Variants in GNB4 observed in about 807,000 individuals in gnomAD.
GNB4 encodes guanine nucleotide-binding protein subunit beta-4.
GNB4 carries 28 observed loss-of-function variants against 45.2 expected under a neutral mutation model. The ratio of observed to expected loss-of-function variants is 0.62; its 90% CI spans 0.46 to 0.85. GNB4 has a LOEUF of 0.85. Among genes scored for constraint, GNB4 ranks in the 40% least tolerant of loss-of-function variants. The pLI is 0.00. For missense variants in GNB4, 321 were observed against 425.4 expected, an observed-to-expected ratio of 0.75 and a Z score of 2.16; for synonymous variants, 132 against 143.7, an observed-to-expected ratio of 0.92 and a Z score of 0.58.
intron 1 of GNB4, among the ~76,000 whole-genome samples, chr3:179,450,466 A>G (rs1255473080): frequency 6.6e-6 from 1 of 152,234 alleles, no homozygotes; most frequent in Admixed American, 6.5e-5. Context: ...ATCAACAATT[A>G]AATTTTGAAC....
the GNB4 span, among the ~76,000 whole-genome samples, chr3:179,519,785 C>T: frequency 3.9e-5 from 6 of 152,122 alleles, no homozygotes; most frequent in Non-Finnish European, 7.3e-5. Context: ...CCTCGGCAAC[C>T]GATCATGCAC....
At chr3:179,510,343 GC>G in the GNB4 span, among the ~76,000 whole-genome samples, 1 of 152,106 alleles carries the variant, frequency 6.6e-6, no homozygotes, top group Non-Finnish European at 1.5e-5. Flanking sequence ...CTGAGCCACT[GC>G]CCTCATTCAG....
At chr3:179,500,806 G>A in the GNB4 span, among the ~76,000 whole-genome samples, 1 of 152,148 alleles carries the variant, frequency 6.6e-6, no homozygotes, top group African/African-American at 2.4e-5. Flanking sequence ...CACATCCCTT[G>A]TAAGTTGGAT....
chr3:179,419,523 A>C lies in GNB4; in HGVS notation c.97-18T>G. The C allele has an allele frequency of 2.1e-6, 3 of 1,419,802 alleles. No individual in the cohort carries two copies. The South Asian group carries it at 3.5e-5, about 16-fold the overall frequency. The allele number at this position is 1,419,802 out of a possible 1,614,324, so 88.0% of individuals were successfully genotyped here. A position where few individuals can be genotyped will look rare whatever the true frequency, so the allele number is the denominator to read the frequency against. On this transcript the variant is annotated intron_variant, in intron 3 of 9. Coordinates refer to ENST00000232564, the MANE Select transcript of GNB4 (RefSeq NM_021629.4). ...GATGTAATCTTTTGAAAGCAACAAAAATGTTATTCTTTACCTTAATCATAG... is the reference window on the plus strand; with the variant it reads ...GATGTAATCTTTTGAAAGCAACAAACATGTTATTCTTTACCTTAATCATAG...
the GNB4 span, among the ~76,000 whole-genome samples, chr3:179,520,001 CT>C: frequency 4.4e-4 from 67 of 152,208 alleles, 1 homozygote; most frequent in Non-Finnish European, 7.8e-4. Flanking sequence ...GGATCTGCGC[CT>C]TATCAACCAA....
At chr3:179,473,814 C>A in the GNB4 span, among the ~76,000 whole-genome samples, 4 of 152,170 alleles carry the variant, frequency 2.6e-5, no homozygotes, top group Non-Finnish European at 5.9e-5. Context: ...AATGTAACCA[C>A]TTGGTTGTAG....
intron 5 of GNB4, among the ~76,000 whole-genome samples, 162 bp downstream of exon 5, chr3:179,416,331 A>ACTAAGGG (rs1307739857): frequency 6.6e-6 from 1 of 152,254 alleles, no homozygotes; most frequent in Non-Finnish European, 1.5e-5. Flanking sequence ...AGGGTTAAAC[A>ACTAAGGG]TTAAAAGTAA....
chr3:179,423,027 G>A (rs895873108), intron 2 of GNB4, among the ~76,000 whole-genome samples: 3 of 152,068 alleles, frequency 2.0e-5, no homozygotes, highest in Non-Finnish European at 4.4e-5. Context: ...TCCTGACCTC[G>A]TGATCCACCC....
At chr3:179,486,256 T>C in the GNB4 span, among the ~76,000 whole-genome samples, 1 of 151,770 alleles carries the variant, frequency 6.6e-6, no homozygotes, top group East Asian at 1.9e-4. Flanking sequence ...ATGCATGTTC[T>C]GTAATTTGCC....
intron 1 of GNB4, among the ~76,000 whole-genome samples, chr3:179,443,295 T>C (rs1001172731): frequency 3.3e-5 from 5 of 152,202 alleles, no homozygotes; most frequent in African/African-American, 1.2e-4. Flanking sequence ...TCCCAGCACT[T>C]TGAGAGGCTG....
At position 179,405,189 on chromosome 3, in the gene GNB4, C is replaced by A; in HGVS notation, c.916+1G>T. 6.2e-7 allele frequency: 1 copy of A among 1,611,766 alleles called. No individual in the cohort carries two copies. Among genetic ancestry groups the A allele is most frequent in the Non-Finnish European group, 8.5e-7 (1 of 1,178,610 alleles). On this transcript the variant is annotated splice_donor_variant, in intron 9 of 9. Coordinates refer to ENST00000232564, the MANE Select transcript of GNB4 (RefSeq NM_021629.4). LOFTEE classifies it high-confidence loss of function. The stretch of plus-strand genomic sequence containing the variant: ...AACCTAATGTGGACTTATTTACTAA[C>A]CTGCACGATCTCCTTTTAGCGTGTC...
chr3:179,430,336 CACCT>C (rs1416874596), intron 1 of GNB4, among the ~76,000 whole-genome samples: 1 of 151,984 alleles, frequency 6.6e-6, no homozygotes, highest in Non-Finnish European at 1.5e-5. Context: ...CGATCCCCCC[CACCT>C]GAGCTTTTCA....
At chr3:179,516,322 T>C in the GNB4 span, among the ~76,000 whole-genome samples, 1 of 152,210 alleles carries the variant, frequency 6.6e-6, no homozygotes, top group Non-Finnish European at 1.5e-5. Flanking sequence ...AGGCCAAACC[T>C]AAGAATTTTG....
At chr3:179,493,698 G>A in the GNB4 span, among the ~76,000 whole-genome samples, 2 of 152,116 alleles carry the variant, frequency 1.3e-5, no homozygotes, top group South Asian at 2.1e-4. Flanking sequence ...CTATCATCTT[G>A]GAAACCTCTG....
the GNB4 span, among the ~76,000 whole-genome samples, chr3:179,507,644 G>T: frequency 3.3e-5 from 5 of 152,210 alleles, no homozygotes; most frequent in African/African-American, 1.2e-4. Flanking sequence ...TTGTTCTTGT[G>T]ATTAAATCTT....
At chr3:179,520,548 C>T in the GNB4 span, among the ~76,000 whole-genome samples, 4 of 152,248 alleles carry the variant, frequency 2.6e-5, no homozygotes, top group South Asian at 4.2e-4. Context: ...CCCTCAAAAT[C>T]ACAAACTATG....
the GNB4 span, among the ~76,000 whole-genome samples, chr3:179,480,124 G>A: frequency 1.2e-4 from 19 of 152,198 alleles, 1 homozygote; most frequent in Admixed American, 1.2e-3. Context: ...CTCATTATGT[G>A]ATGTTTTCTG....
chr3:179,445,755 G>T (rs538956671), intron 1 of GNB4, among the ~76,000 whole-genome samples: 2 of 152,204 alleles, frequency 1.3e-5, no homozygotes. Flanking sequence ...GAGATACTAA[G>T]AATAATGATA....
rs1286724467 is a variant in GNB4 at position 179,400,407 on chromosome 3, T to C, written c.*806A>G. The C allele has an allele frequency of 6.6e-6, 1 of 152,178 alleles. No individual in the cohort carries two copies. Among genetic ancestry groups the C allele is most frequent in the East Asian group, 1.9e-4 (1 of 5,198 alleles). The allele number at this position is 152,178 out of a possible 1,614,324, so 9.4% of individuals were successfully genotyped here. On this transcript the variant is annotated 3_prime_UTR_variant, in exon 10 of 10. Coordinates refer to ENST00000232564, the MANE Select transcript of GNB4 (RefSeq NM_021629.4). ...TACGCTACAAACTTAGTTCCAAATA[T>C]GAAATGAAAAGGAAAGTCCAGCTAT... is the stretch of plus-strand genomic sequence containing the variant.
Sources: gnomAD v4.1 joint callset for allele counts (sites outside exome capture counted in the v4.1 genomes callset) on GRCh38, gnomAD v4.1.1 for gene constraint, MANE v1.5 for transcripts, NCBI Gene and HGNC (gene_info 2026-07-23, HGNC 2026-07-21) for gene names.